TBL1X: variants seen among roughly 807,000 people sequenced by gnomAD.
The protein encoded by TBL1X is transducin beta like 1 X-linked, also known as F-box-like/WD repeat-containing protein TBL1X.
In TBL1X, 10 loss-of-function variants were observed where a neutral mutation model predicts 50.7. The ratio of observed to expected loss-of-function variants is 0.20; its 90% confidence interval spans 0.12 to 0.33. The LOEUF (loss-of-function observed/expected upper bound fraction) is 0.33, where lower values mean the gene tolerates loss of function less well. Ranked by LOEUF, TBL1X falls within the 10% of genes least tolerant of loss-of-function variation. The pLI is 1.00. For missense variants in TBL1X, 340 were observed against 504.4 expected (o/e 0.67, Z 3.12); for synonymous variants, 190 against 214.7 (o/e 0.88, Z 1.01).
chrX:9,684,210 C>T, intron 6 of TBL1X, 22 bp downstream of exon 6: 1 of 1,210,248 alleles, frequency 8.3e-7, no homozygotes, highest in South Asian at 1.8e-5. Context: ...CTGGGCCCGG[C>T]CCCCAAACAG....
chrX:9,667,276 A>G lies in TBL1X; in HGVS notation c.211+12954A>G, dbSNP rs1181529677. 9.0e-5 allele frequency among the ~76,000 whole-genome samples: 10 copies of G among 111,673 alleles called. No homozygotes were observed. In the Admixed American group the frequency reaches 9.5e-4, roughly 11 times the overall value. ...ACTCCGTTCCCCCCTACCCCCAAAAAGAACAAGCTATAAAGGGTTTGTGAA... is the reference window on the plus strand; with the variant it reads ...ACTCCGTTCCCCCCTACCCCCAAAAGGAACAAGCTATAAAGGGTTTGTGAA... On this transcript the variant is annotated intron_variant, in intron 5 of 17. Coordinates refer to ENST00000645353, the MANE Select transcript of TBL1X (RefSeq NM_005647.4).
intron 2 of TBL1X, among the ~76,000 whole-genome samples, chrX:9,594,052 G>A (rs1006778290): frequency 2.7e-5 from 3 of 112,675 alleles, no homozygotes; most frequent in Non-Finnish European, 5.6e-5. Flanking sequence ...GATCAGCATA[G>A]GAGATGGGTT....
At chrX:9,656,650 A>C (rs1372542862) in intron 5 of TBL1X, among the ~76,000 whole-genome samples, 1 of 112,859 alleles carries the variant, frequency 8.9e-6, no homozygotes, top group Non-Finnish European at 1.9e-5. Flanking sequence ...CATCAGTGTC[A>C]CTGAAGTATA....
At chrX:9,698,705 C>T (rs1343699562) in intron 12 of TBL1X, among the ~76,000 whole-genome samples, 2 of 111,937 alleles carry the variant, frequency 1.8e-5, no homozygotes, top group Non-Finnish European at 3.8e-5. Flanking sequence ...GAGCCGCTTG[C>T]GTCTGTTAGG....
chrX:9,591,622 G>T lies in TBL1X; in HGVS notation c.-130-48651G>T, dbSNP rs761062121. 9.8e-5 allele frequency among the ~76,000 whole-genome samples: 11 copies of T among 112,038 alleles called. No individual in the cohort carries two copies. The East Asian group carries it at 2.3e-3, about 23-fold the overall frequency. The stretch of plus-strand genomic sequence containing the variant: ...AGCCATCTTGCGGGAGTGCCCAGAG[G>T]GGGGAAGAGCAAAGCCTACCCCTTC... On this transcript the variant is annotated intron_variant, in intron 2 of 17. Coordinates refer to ENST00000645353, the MANE Select transcript of TBL1X (RefSeq NM_005647.4).
chrX:9,479,758 C>T (rs972972372), intron 1 of TBL1X, among the ~76,000 whole-genome samples: 1 of 111,507 alleles, frequency 9.0e-6, no homozygotes, highest in African/African-American at 3.3e-5. Flanking sequence ...ATGGAGTTAG[C>T]CGGCTCCCCT....
chrX:9,576,060 G>T (rs2082409941), intron 2 of TBL1X, among the ~76,000 whole-genome samples: 1 of 111,966 alleles, frequency 8.9e-6, no homozygotes, highest in African/African-American at 3.3e-5. Context: ...TTTTTAAAAG[G>T]AAAGTGTCTA....
At chrX:9,473,841 T>G (rs766072009) in intron 1 of TBL1X, among the ~76,000 whole-genome samples, 33 of 112,629 alleles carry the variant, frequency 2.9e-4, no homozygotes, top group African/African-American at 1.1e-3. Context: ...GCTCATAAGT[T>G]CGTGAAAATA....
chrX:9,473,373 A>G (rs2081829633), intron 1 of TBL1X, among the ~76,000 whole-genome samples: 1 of 112,135 alleles, frequency 8.9e-6, no homozygotes, highest in Non-Finnish European at 1.9e-5. Flanking sequence ...TAAAAACTCA[A>G]GAATTCAAAA....
intron 2 of TBL1X, among the ~76,000 whole-genome samples, chrX:9,529,611 G>C (rs907488853): frequency 1.8e-5 from 2 of 110,302 alleles, no homozygotes; most frequent in African/African-American, 6.6e-5. Context: ...ATGTAGACAT[G>C]GGGGGTCATG....
intron 1 of TBL1X, among the ~76,000 whole-genome samples, chrX:9,467,234 A>G (rs1437096129): frequency 9.0e-6 from 1 of 111,612 alleles, no homozygotes; most frequent in African/African-American, 3.3e-5. Flanking sequence ...TGGTCCCTGC[A>G]GAGGGAGGCC....
intron 2 of TBL1X, among the ~76,000 whole-genome samples, chrX:9,521,223 C>T (rs1328231270): frequency 9.0e-6 from 1 of 111,410 alleles, no homozygotes; most frequent in Non-Finnish European, 1.9e-5. Context: ...ATGGGAAGGT[C>T]GTAAACGTGG....
intron 12 of TBL1X, among the ~76,000 whole-genome samples, chrX:9,697,939 G>T (rs1436822915): frequency 2.7e-5 from 3 of 111,418 alleles, no homozygotes; most frequent in Non-Finnish European, 5.7e-5. Flanking sequence ...TAAAACATTA[G>T]TCGGGTGTTG....
At chrX:9,613,389 T>G (rs1270503858) in intron 2 of TBL1X, among the ~76,000 whole-genome samples, 1 of 111,437 alleles carries the variant, frequency 9.0e-6, no homozygotes, top group Non-Finnish European at 1.9e-5. Context: ...TTCATTTCCT[T>G]TTAATTAATT....
chrX:9,615,984 T>C (rs1425210444), intron 2 of TBL1X, among the ~76,000 whole-genome samples: 2 of 112,257 alleles, frequency 1.8e-5, no homozygotes, highest in Non-Finnish European at 3.8e-5. Context: ...CAAGTATTTA[T>C]TGAACATTTA....
At chrX:9,712,073 G>T (rs6638954) in intron 16 of TBL1X, among the ~76,000 whole-genome samples, 3 of 112,282 alleles carry the variant, frequency 2.7e-5, no homozygotes, top group African/African-American at 9.7e-5. Flanking sequence ...TGAAGGAGCC[G>T]CTGTCTTCTG....
intron 2 of TBL1X, among the ~76,000 whole-genome samples, chrX:9,506,634 T>G (rs1369905246): frequency 9.0e-6 from 1 of 111,730 alleles, no homozygotes; most frequent in Non-Finnish European, 1.9e-5. Flanking sequence ...AAATACAAAC[T>G]ACTATCAGAG....
intron 2 of TBL1X, among the ~76,000 whole-genome samples, chrX:9,611,360 C>T (rs2082612694): frequency 8.9e-6 from 1 of 112,562 alleles, no homozygotes; most frequent in Non-Finnish European, 1.9e-5. Context: ...CCTTGATGCC[C>T]ACCTTTCTTA....
chrX:9,567,354 G>A (rs780055824), intron 2 of TBL1X, among the ~76,000 whole-genome samples: 9 of 111,328 alleles, frequency 8.1e-5, no homozygotes, highest in African/African-American at 2.6e-4. Flanking sequence ...CACTCATGGA[G>A]CCAGCGTGCA....
Sources: gnomAD v4.1 joint callset for allele counts (sites outside exome capture counted in the v4.1 genomes callset) on GRCh38, gnomAD v4.1.1 for gene constraint, MANE v1.5 for transcripts, NCBI Gene and HGNC (gene_info 2026-07-23, HGNC 2026-07-21) for gene names.